SLC2A2: variants seen among roughly 807,000 people sequenced by gnomAD.
SLC2A2 encodes solute carrier family 2, facilitated glucose transporter member 2.
In SLC2A2, 36 loss-of-function variants were observed where a neutral mutation model predicts 54.5. The observed-to-expected ratio is 0.66, with a 90% confidence interval of 0.51 to 0.87. The LOEUF (loss-of-function observed/expected upper bound fraction) is 0.87. SLC2A2 is among the 40% of genes least tolerant of loss of function. SLC2A2 has a pLI of 0.00. For missense variants in SLC2A2, 543 were observed against 624.3 expected (o/e 0.87, Z 1.39); for synonymous variants, 223 against 219.1 (o/e 1.02, Z -0.16).
At chr3:171,006,949 C>CT (rs1379644423) in intron 5 of SLC2A2, among the ~76,000 whole-genome samples, 199 bp downstream of exon 5, 3 of 151,900 alleles carry the variant, frequency 2.0e-5, no homozygotes, top group Non-Finnish European at 4.4e-5. Context: ...ACGAAAAACT[C>CT]TATGTCTCTA....
chr3:171,009,083 C>T (rs907495875), intron 4 of SLC2A2, among the ~76,000 whole-genome samples: 3 of 152,050 alleles, frequency 2.0e-5, no homozygotes, highest in African/African-American at 7.2e-5. Flanking sequence ...GCAACTACGT[C>T]TTGTGAAAAT....
At chr3:171,019,307 G>A (rs1576843513) in intron 1 of SLC2A2, among the ~76,000 whole-genome samples, 1 of 151,726 alleles carries the variant, frequency 6.6e-6, no homozygotes, top group South Asian at 2.1e-4. Flanking sequence ...TTGCCATGGT[G>A]ACAAAAATAC....
rs771075989 is a variant in SLC2A2, at chr3:171,006,039, C to T, written c.679G>A (p.Val227Met). The T allele has an allele frequency of 6.2e-7, 1 of 1,612,692 alleles. No homozygotes were observed. The highest frequency in any genetic ancestry group is 1.1e-5 in the South Asian group (1 of 91,056). ...LWHILLGLSG[V>M]RAILQSLLLF... ...AGCAGAGACTGAAGGATGGCTCGCA[C>T]ACCAGACAGGCCAAGCAGGATGTGC... Residue 227 changes from valine (V) to methionine (M), a missense_variant, in exon 6 of 11, where the codon GTG (valine) becomes ATG (methionine). Transcript: ENST00000314251.
At chr3:171,012,282 C>T (rs956645094) in intron 3 of SLC2A2, among the ~76,000 whole-genome samples, 1 of 152,170 alleles carries the variant, frequency 6.6e-6, no homozygotes, top group Non-Finnish European at 1.5e-5. Context: ...AGGAAAACGT[C>T]TTAGAGAACC....
intron 2 of SLC2A2, among the ~76,000 whole-genome samples, chr3:171,016,852 CTTT>C (rs201071901): frequency 2.6e-5 from 3 of 114,320 alleles, no homozygotes; most frequent in Non-Finnish European, 1.8e-5. Flanking sequence ...TTAATTTTTT[CTTT>C]TTTTTTTTTT....
At chr3:171,023,668 G>A (rs1370503551) in intron 1 of SLC2A2, among the ~76,000 whole-genome samples, 1 of 152,170 alleles carries the variant, frequency 6.6e-6, no homozygotes, top group Non-Finnish European at 1.5e-5. Flanking sequence ...AAGTTCTGAG[G>A]TTCTAGATGG....
chr3:171,013,961 A>G (rs1716008742), intron 3 of SLC2A2, among the ~76,000 whole-genome samples: 1 of 136,582 alleles, frequency 7.3e-6, no homozygotes, highest in South Asian at 2.3e-4. Context: ...AAGCAGTACC[A>G]GCAGCCAGAA....
chr3:171,025,406 G>A (rs1008050996), intron 1 of SLC2A2, among the ~76,000 whole-genome samples: 3 of 151,262 alleles, frequency 2.0e-5, no homozygotes, highest in African/African-American at 7.3e-5. Context: ...TAAAATTGTT[G>A]TCTAAGCCTC....
chr3:170,997,803 ATACT>A lies in SLC2A2; in HGVS notation c.*96_*99del. 1.1e-6 allele frequency: 1 copy of A among 949,346 alleles called. No individual in the cohort carries two copies. Among genetic ancestry groups the A allele is most frequent in the Non-Finnish European group, 1.7e-6 (1 of 598,728 alleles). The allele number at this position is 949,346 out of a possible 1,614,324, so 58.8% of individuals were successfully genotyped here. A position where few individuals can be genotyped will look rare whatever the true frequency, so the allele number is the denominator to read the frequency against. ...GATGAGAGCACATAAAAATAAAACAATACTTAAAGATGTGGATATAAAATGCTCA... is the reference window on the plus strand; with the variant it reads ...GATGAGAGCACATAAAAATAAAACAATAAAGATGTGGATATAAAATGCTCA... On this transcript the variant is annotated 3_prime_UTR_variant, in exon 11 of 11. Coordinates refer to ENST00000314251, the MANE Select transcript of SLC2A2 (RefSeq NM_000340.2).
At chr3:171,017,049 TC>T in intron 2 of SLC2A2, among the ~76,000 whole-genome samples, 1 of 151,836 alleles carries the variant, frequency 6.6e-6, no homozygotes, top group Admixed American at 6.6e-5. Flanking sequence ...ACAGGGTTTC[TC>T]CATGTTGGTC....
intron 2 of SLC2A2, among the ~76,000 whole-genome samples, 185 bp downstream of exon 2, chr3:171,018,346 C>T (rs191820650): frequency 6.6e-6 from 1 of 151,610 alleles, no homozygotes; most frequent in Non-Finnish European, 1.5e-5. Flanking sequence ...TTTTTTCCCC[C>T]GTGATTGTTA....
intron 3 of SLC2A2, among the ~76,000 whole-genome samples, chr3:171,010,870 A>G (rs1468420308): frequency 6.6e-6 from 1 of 152,166 alleles, no homozygotes; most frequent in Non-Finnish European, 1.5e-5. Context: ...ACATTTGCAG[A>G]TATCTGTTAC....
In SLC2A2 at chr3:171,007,166, C is replaced by A; in HGVS notation, c.594G>T (p.Thr198=). Residue 198 remains threonine, a synonymous_variant, in exon 5 of 11, where the codon ACG becomes ACT. Transcript: ENST00000314251. ...LGTFHQLAIV[T]GILISQIIGL... is the part of the protein sequence containing the mutation. ...TTTTTACCTGACTAATAAGAATGCC[C>A]GTGACGATGGCCAGCTGATGAAAAG... is the stretch of plus-strand genomic sequence containing the variant. 1 of 1,610,140 alleles carries A rather than the reference C, an allele frequency of 6.2e-7. No individual in the cohort carries two copies. The highest frequency in any genetic ancestry group is 8.5e-7 in the Non-Finnish European group (1 of 1,177,106).
At chr3:171,019,877 T>G (rs1322834036) in intron 1 of SLC2A2, among the ~76,000 whole-genome samples, 2 of 152,176 alleles carry the variant, frequency 1.3e-5, no homozygotes, top group Non-Finnish European at 2.9e-5. Context: ...AACAAATGAG[T>G]TGATGGTCCT....
In SLC2A2 at chr3:171,010,025, C is replaced by A. The variant is rs749215248; in HGVS notation, c.429G>T (p.Gly143=). 1 of 1,612,000 alleles carries A rather than the reference C, an allele frequency of 6.2e-7. No homozygotes were observed. The highest frequency in any genetic ancestry group is 1.1e-5 in the South Asian group (1 of 91,024). ...ILSLVGALLM[G]FSKLGPSHIL... ...TATGAGATGGTCCCAATTTTGAAAA[C>A]CCCATCAAGAGAGCTCCAACTAATG... Residue 143 remains glycine (G), a synonymous_variant, in exon 4 of 11, where the codon GGG becomes GGT. Coordinates refer to ENST00000314251, the MANE Select transcript of SLC2A2 (RefSeq NM_000340.2).
chr3:171,009,913 GT>G (rs58674412), intron 4 of SLC2A2, 44 bp downstream of exon 4: 194,906 of 595,050 alleles, frequency 0.33, 17,989 homozygotes, highest in African/African-American at 0.54. Context: ...ACAAAGGTAG[GT>G]GTGTGTGTGT....
rs185719617 is a variant in SLC2A2 at position 171,017,593 on chromosome 3, G to A, written c.108+938C>T. Among the ~76,000 whole-genome samples the A allele has an allele frequency of 1.8e-3, 267 of 152,268 alleles. 1 individual carries two copies. The highest frequency in any genetic ancestry group is 2.2e-3 in the Non-Finnish European group (152 of 68,022). On this transcript the variant is annotated intron_variant, in intron 2 of 10. Coordinates refer to ENST00000314251, the MANE Select transcript of SLC2A2 (RefSeq NM_000340.2). ...TCACTTTATGCCACCTCTTCCCCAG[G>A]TTCCTCTTCTCTGTCTTTCATTAAT...
At chr3:171,013,270 C>A (rs1275266793) in intron 3 of SLC2A2, among the ~76,000 whole-genome samples, 1 of 151,894 alleles carries the variant, frequency 6.6e-6, no homozygotes, top group African/African-American at 2.4e-5. Flanking sequence ...CTACTTAAAC[C>A]AACTTGATAC....
At chr3:171,018,383 G>A (rs1331164350) in intron 2 of SLC2A2, 148 bp downstream of exon 2, 3 of 724,540 alleles carry the variant, frequency 4.1e-6, no homozygotes, top group South Asian at 2.9e-5. Flanking sequence ...CAAGTTATCA[G>A]CTTTGGAACA....
Sources: allele counts gnomAD v4.1 joint callset (sites outside exome capture counted in the v4.1 genomes callset), GRCh38; gene constraint gnomAD v4.1.1; transcripts MANE v1.5; gene names NCBI Gene and HGNC (gene_info 2026-07-23, HGNC 2026-07-21).